The following DYM variants were observed in gnomAD, a reference collection of about 807,000 sequenced individuals.
DYM encodes dyggve-Melchior-Clausen syndrome protein.
DYM carries 78 observed loss-of-function variants against 93.1 expected under a neutral mutation model. The observed-to-expected ratio is 0.84, with a 90% CI of 0.70 to 1.01. The LOEUF is 1.01. DYM is among the 50% of genes least tolerant of loss of function. The pLI, the probability that DYM is intolerant of heterozygous loss-of-function variation, is 0.00. For missense variants in DYM, 789 were observed against 845.0 expected (o/e 0.93, Z 0.82); for synonymous variants, 321 against 319.7 (o/e 1.00, Z -0.04).
At chr18:49,297,898 T>C (rs1278124934) in intron 8 of DYM, among the ~76,000 whole-genome samples, 1 of 151,974 alleles carries the variant, frequency 6.6e-6, no homozygotes, top group Non-Finnish European at 1.5e-5. Context: ...TTAATCAACA[T>C]ATATATTAAG....
chr18:49,125,439 T>C (rs974996595), intron 15 of DYM, among the ~76,000 whole-genome samples: 7 of 152,124 alleles, frequency 4.6e-5, no homozygotes, highest in African/African-American at 1.4e-4. Context: ...CTAGCTTGCA[T>C]TGGCTGGATG....
chr18:49,110,716 G>T (rs531702463), intron 16 of DYM, among the ~76,000 whole-genome samples: 2 of 151,904 alleles, frequency 1.3e-5, no homozygotes, highest in African/African-American at 2.4e-5. Context: ...GGTTCTCTGG[G>T]CTTCCTGGAT....
At chr18:49,060,859 C>A (rs2075935409) in intron 17 of DYM, among the ~76,000 whole-genome samples, 1 of 151,704 alleles carries the variant, frequency 6.6e-6, no homozygotes, top group African/African-American at 2.4e-5. Context: ...CTGGGGTGGT[C>A]CTGATGGAGA....
At chr18:49,296,214 C>T (rs540973411) in intron 8 of DYM, among the ~76,000 whole-genome samples, 2 of 152,262 alleles carry the variant, frequency 1.3e-5, no homozygotes, top group East Asian at 3.9e-4. Context: ...CAGGCACGAG[C>T]CACCCAAAAC....
At chr18:49,083,424 A>G (rs1193458962) in intron 17 of DYM, among the ~76,000 whole-genome samples, 1 of 151,998 alleles carries the variant, frequency 6.6e-6, no homozygotes, top group East Asian at 1.9e-4. Context: ...TTTGTAAAGG[A>G]TTTTTTTGTG....
At chr18:49,313,381 T>G (rs927505611) in intron 8 of DYM, among the ~76,000 whole-genome samples, 4 of 139,778 alleles carry the variant, frequency 2.9e-5, no homozygotes. Context: ...AAGAATCACT[T>G]GAACCAGGGG....
At chr18:49,044,602 A>C (rs1347339429) in intron 17 of DYM, among the ~76,000 whole-genome samples, 1 of 152,250 alleles carries the variant, frequency 6.6e-6, no homozygotes, top group Admixed American at 6.5e-5. Flanking sequence ...CACTGTCCTC[A>C]GGGTTCCACC....
At chr18:49,113,840 C>A (rs1311347684) in intron 16 of DYM, among the ~76,000 whole-genome samples, 1 of 152,122 alleles carries the variant, frequency 6.6e-6, no homozygotes, top group East Asian at 1.9e-4. Flanking sequence ...AAATGAATTT[C>A]CAGTGTGCCC....
At chr18:49,112,901 C>G (rs151125569) in intron 16 of DYM, among the ~76,000 whole-genome samples, 1 of 152,282 alleles carries the variant, frequency 6.6e-6, no homozygotes, top group East Asian at 1.9e-4. Flanking sequence ...CTACCTGCTT[C>G]AAGTTTTGGC....
intron 6 of DYM, among the ~76,000 whole-genome samples, chr18:49,349,990 C>T (rs1330589600): frequency 6.6e-6 from 1 of 152,118 alleles, no homozygotes. Context: ...TGACTTCAAT[C>T]TTTAACTTAC....
chr18:49,414,735 G>A (rs1446585766), intron 2 of DYM, among the ~76,000 whole-genome samples: 2 of 152,102 alleles, frequency 1.3e-5, no homozygotes, highest in Non-Finnish European at 2.9e-5. Context: ...AGACTCTCTG[G>A]CTAAAGAAAT....
At chr18:49,454,945 A>G (rs976904331) in intron 1 of DYM, among the ~76,000 whole-genome samples, 7 of 147,952 alleles carry the variant, frequency 4.7e-5, no homozygotes, top group African/African-American at 1.7e-4. Flanking sequence ...GCTGCGGTCC[A>G]TGGCCTCCTC....
intron 5 of DYM, among the ~76,000 whole-genome samples, chr18:49,377,582 T>G (rs1599770720): frequency 1.3e-5 from 2 of 152,078 alleles, no homozygotes; most frequent in South Asian, 4.2e-4. Flanking sequence ...AATAAAAATA[T>G]AAATAAAAAT....
chr18:49,082,202 A>G (rs1433530121), intron 17 of DYM, among the ~76,000 whole-genome samples: 1 of 152,262 alleles, frequency 6.6e-6, no homozygotes, highest in African/African-American at 2.4e-5. Context: ...CACGAACTAC[A>G]TGGACTGTAC....
intron 13 of DYM, among the ~76,000 whole-genome samples, chr18:49,249,381 A>ATG (rs897320818): frequency 2.0e-5 from 3 of 151,938 alleles, no homozygotes; most frequent in African/African-American, 4.8e-5. Context: ...TGAATTGTGC[A>ATG]TGTGTGTGTG....
At chr18:49,385,021 G>A (rs1384579452) in intron 3 of DYM, among the ~76,000 whole-genome samples, 1 of 150,442 alleles carries the variant, frequency 6.6e-6, no homozygotes, top group East Asian at 1.9e-4. Flanking sequence ...AAAGCATAAT[G>A]AGAAATATTT....
At chr18:49,391,698 C>T (rs1366010941) in intron 2 of DYM, 53 bp from the exon 3 acceptor site, 1 of 1,423,774 alleles carries the variant, frequency 7.0e-7, no homozygotes, top group Admixed American at 1.7e-5. Context: ...TAAATATGTA[C>T]ATGCTAATCA....
At chr18:49,062,995 A>G (rs1164461647) in intron 17 of DYM, among the ~76,000 whole-genome samples, 1 of 152,208 alleles carries the variant, frequency 6.6e-6, no homozygotes, top group South Asian at 2.1e-4. Flanking sequence ...CTGTGTCTGG[A>G]ATATTTTGCC....
At chr18:49,328,403 A>C (rs2063059854) in intron 8 of DYM, among the ~76,000 whole-genome samples, 1 of 152,162 alleles carries the variant, frequency 6.6e-6, no homozygotes, top group African/African-American at 2.4e-5. Context: ...GAGAGAAGTA[A>C]GGAGGACTCC....
Sources: allele counts gnomAD v4.1 joint callset (sites outside exome capture counted in the v4.1 genomes callset), GRCh38; gene constraint gnomAD v4.1.1; transcripts MANE v1.5; gene names NCBI Gene and HGNC (gene_info 2026-07-23, HGNC 2026-07-21).